The following CLCN1 variants were observed in gnomAD, a reference collection of about 807,000 sequenced individuals.
CLCN1 encodes the protein chloride voltage-gated channel 1, also known as chloride channel protein 1.
CLCN1 carries 100 observed loss-of-function variants against 114.5 expected under a neutral mutation model. The observed-to-expected ratio is 0.87, with a 90% confidence interval of 0.74 to 1.03. The LOEUF (loss-of-function observed/expected upper bound fraction) is 1.03, where lower values mean the gene tolerates loss of function less well. Ranked by LOEUF, CLCN1 falls within the 50% of genes least tolerant of loss-of-function variation. The pLI is 0.00. For synonymous variants in CLCN1, 485 were observed against 487.1 expected (o/e 1.00, Z 0.06); for missense variants, 1,188 against 1,250.0 (o/e 0.95, Z 0.75).
intron 1 of CLCN1, among the ~76,000 whole-genome samples, chr7:143,318,252 C>T (rs780475997): frequency 2.6e-5 from 4 of 151,780 alleles, no homozygotes; most frequent in Middle Eastern, 3.4e-3. Flanking sequence ...GATGGAGTTT[C>T]GCTCTTGTTG....
At chr7:143,338,174 A>C (rs1408144930) in intron 12 of CLCN1, among the ~76,000 whole-genome samples, 1 of 152,102 alleles carries the variant, frequency 6.6e-6, no homozygotes, top group Admixed American at 6.5e-5. Flanking sequence ...CTCAAAATGC[A>C]CATATTGCTT....
At chr7:143,323,436 C>T (rs1207251317) in intron 6 of CLCN1, 50 bp downstream of exon 6, 20 of 1,305,314 alleles carry the variant, frequency 1.5e-5, no homozygotes, top group East Asian at 2.3e-5. Context: ...AGAAGGAGTC[C>T]GGCTGTGTGT....
chr7:143,350,571 C>T lies in CLCN1; in HGVS notation c.2512C>T (p.His838Tyr). Residue 838 changes from histidine to tyrosine, a missense_variant, in exon 22 of 23, where the codon CAT becomes TAT. Physicochemically the swap from His to Tyr is moderately conservative, Grantham distance 83. Coordinates refer to ENST00000343257, the MANE Select transcript of CLCN1 (RefSeq NM_000083.3). This position sits in a 1 kb window ranked among gnomAD's most constrained non-coding sequence, Gnocchi z 5.1. ...LVEQTTLHKT[H>Y]TLFSLLGLHL... is the part of the protein sequence containing the mutation. Reference sequence around the variant, plus strand: ...GACCTGTGCTCTTCATCCTCAGACTCATACCCTGTTTTCACTCCTTGGCCT... The same window carrying T: ...GACCTGTGCTCTTCATCCTCAGACTTATACCCTGTTTTCACTCCTTGGCCT... 6.2e-7 allele frequency: 1 copy of T among 1,614,084 alleles called. No homozygotes were observed. The highest frequency in any genetic ancestry group is 8.5e-7 in the Non-Finnish European group (1 of 1,179,950).
chr7:143,336,613 A>T (rs1271724501), intron 12 of CLCN1, among the ~76,000 whole-genome samples: 1 of 141,392 alleles, frequency 7.1e-6, no homozygotes, highest in East Asian at 2.0e-4. Context: ...TCAAAAAAAA[A>T]AAAAAAAAAA....
Position 143,317,173 on chromosome 7 carries a change from T to C in CLCN1, c.180+781T>C, listed in dbSNP as rs764914434. Among the ~76,000 whole-genome samples the C allele has an allele frequency of 6.0e-4, 91 of 151,676 alleles. 1 individual carries two copies. Among genetic ancestry groups the C allele is most frequent in the South Asian group, 4.2e-4 (2 of 4,818 alleles). On this transcript the variant is annotated intron_variant, in intron 1 of 22. Coordinates refer to ENST00000343257, the MANE Select transcript of CLCN1 (RefSeq NM_000083.3). ...AGATAGGTCATGGTTAATAAGTAAGTGTGCCTCTCCCTCCAAAGAATGCAG... is the reference window on the plus strand; with the variant it reads ...AGATAGGTCATGGTTAATAAGTAAGCGTGCCTCTCCCTCCAAAGAATGCAG...
chr7:143,345,804 A>G (rs748141712), intron 17 of CLCN1, 42 bp downstream of exon 17: 1 of 1,602,200 alleles, frequency 6.2e-7, no homozygotes, highest in Non-Finnish European at 8.5e-7. Context: ...ATAGATCAGG[A>G]GCAAAGGGAA....
At chr7:143,347,741 G>A (rs1338097939) in intron 20 of CLCN1, among the ~76,000 whole-genome samples, 2 of 152,046 alleles carry the variant, frequency 1.3e-5, no homozygotes, top group East Asian at 3.9e-4. Flanking sequence ...CATTGCTACT[G>A]GGAAGAACTG....
At chr7:143,346,295 T>C in intron 18 of CLCN1, 44 bp downstream of exon 18, 1 of 1,326,476 alleles carries the variant, frequency 7.5e-7, no homozygotes, top group South Asian at 1.2e-5. Context: ...CCTTGTGGGT[T>C]CTCTCTGGTC....
At chr7:143,330,436 G>T (rs563066744) in intron 7 of CLCN1, among the ~76,000 whole-genome samples, 1 of 152,134 alleles carries the variant, frequency 6.6e-6, no homozygotes, top group South Asian at 2.1e-4. Flanking sequence ...TTTAGTCCCT[G>T]TGGGTATCTG....
At chr7:143,327,553 T>G (rs1802608424) in intron 7 of CLCN1, among the ~76,000 whole-genome samples, 1 of 152,196 alleles carries the variant, frequency 6.6e-6, no homozygotes, top group African/African-American at 2.4e-5. Context: ...AGAAGACGAT[T>G]GTCATAGTCC....
Position 143,323,336 on chromosome 7 carries a change from T to A in CLCN1, c.724T>A (p.Cys242Ser). The A allele has an allele frequency of 1.2e-6, 2 of 1,613,254 alleles. No homozygotes were observed. Among genetic ancestry groups the A allele is most frequent in the Non-Finnish European group, 1.7e-6 (2 of 1,179,322 alleles). ...EGPFVHIASI[C>S]AAVLSKFMSV... is the part of the protein sequence containing the mutation. ...CCCCTTCGTCCACATTGCCAGCATCTGTGCTGCTGTCCTCAGCAAATTCAT... is the reference window on the plus strand; with the variant it reads ...CCCCTTCGTCCACATTGCCAGCATCAGTGCTGCTGTCCTCAGCAAATTCAT... Residue 242 changes from cysteine to serine, a missense_variant, in exon 6 of 23, where the codon TGT becomes AGT. Coordinates refer to ENST00000343257, the MANE Select transcript of CLCN1 (RefSeq NM_000083.3).
intron 20 of CLCN1, among the ~76,000 whole-genome samples, chr7:143,349,722 G>A (rs1803345560): frequency 6.6e-6 from 1 of 152,230 alleles, no homozygotes; most frequent in South Asian, 2.1e-4. Flanking sequence ...TTCCCTGCAT[G>A]AGAGGTGATG....
intron 20 of CLCN1, among the ~76,000 whole-genome samples, 168 bp downstream of exon 20, chr7:143,347,117 G>A (rs980203051): frequency 6.6e-6 from 1 of 152,202 alleles, no homozygotes; most frequent in Admixed American, 6.5e-5. Flanking sequence ...TAATGAGTGT[G>A]TGATGGGACA....
Position 143,331,607 on chromosome 7 carries a change from TCGGTGTCC to T in CLCN1, c.1122_1129del (p.Gly375LysfsTer11). On this transcript the variant is annotated frameshift_variant, in exon 10 of 23. Transcript: ENST00000343257. LOFTEE classifies it high-confidence loss of function. ...GTGTATCTGCATCGCCAAGTCATGCTCGGTGTCCGAAAGCACAAGGCCCTCAGCCAGTT... is the reference window on the plus strand; with the variant it reads ...GTGTATCTGCATCGCCAAGTCATGCTGAAAGCACAAGGCCCTCAGCCAGTT... 1 of 1,614,160 alleles carries T rather than the reference TCGGTGTCC, an allele frequency of 6.2e-7. No individual in the cohort carries two copies. Among genetic ancestry groups the T allele is most frequent in the Non-Finnish European group, 8.5e-7 (1 of 1,180,006 alleles).
Position 143,350,732 on chromosome 7 carries a change from A to T in CLCN1, c.2595+78A>T, listed in dbSNP as rs1335693105. On this transcript the variant is annotated intron_variant, in intron 22 of 22. Coordinates refer to ENST00000343257, the MANE Select transcript of CLCN1 (RefSeq NM_000083.3). The surrounding 1 kb of genome is among the most constrained non-coding windows in gnomAD (Gnocchi z 5.1). ...AAGGGGATGCAGTGGGGACAGAAGG[A>T]ATATTAGCATCTCAGAAGTCCCCTC... 1.4e-5 allele frequency: 14 copies of T among 1,012,982 alleles called. No individual in the cohort carries two copies. The highest frequency in any genetic ancestry group is 2.0e-5 in the Non-Finnish European group (13 of 641,352). 62.7% of individuals were successfully genotyped at this position (1,012,982 alleles called of 1,614,324 possible).
rs80356702 is a variant in CLCN1 at position 143,330,868 on chromosome 7, G to A, written c.950G>A (p.Arg317Gln). The A allele has an allele frequency of 3.7e-6, 6 of 1,614,030 alleles. No individual in the cohort carries two copies. Among genetic ancestry groups the A allele is most frequent in the African/African-American group, 2.7e-5 (2 of 74,896 alleles). The part of the protein sequence containing the change: ...FAATFSAFVF[R>Q]VLAVWNKDAV... ...GCCACGTTCAGCGCCTTTGTGTTTC[G>A]AGTGCTGGCAGTGTGGAACAAGGAT... The change falls in exon 8 of 23, where the codon CGA (arginine) becomes CAA (glutamine). Residue 317 changes from arginine (R) to glutamine (Q), a missense_variant. By Grantham distance (43) the Arg-to-Gln change is conservative (BLOSUM62 1). Transcript: ENST00000343257.
chr7:143,345,392 A>G (rs1453546437), intron 16 of CLCN1, 129 bp from the exon 17 acceptor site: 8 of 1,210,636 alleles, frequency 6.6e-6, no homozygotes, highest in East Asian at 2.6e-5. Flanking sequence ...ATGAGTTTCC[A>G]GGAAGCTGAG....
intron 17 of CLCN1, 108 bp from the exon 18 acceptor site, chr7:143,346,032 G>T: frequency 1.2e-6 from 1 of 866,618 alleles, no homozygotes; most frequent in African/African-American, 1.7e-5. Context: ...TTCTGAACTG[G>T]GGGGAAGAAT....
At position 143,342,406 on chromosome 7, in the gene CLCN1, C is replaced by T. The variant is rs146469288; in HGVS notation, c.1831C>T (p.Arg611Cys). 21 of 1,613,986 alleles carry T rather than the reference C, an allele frequency of 1.3e-5. 1 individual carries two copies. Among genetic ancestry groups the T allele is most frequent in the African/African-American group, 9.3e-5 (7 of 74,916 alleles). Residue 611 changes from arginine (R) to cysteine (C), a missense_variant, in exon 16 of 23, where the codon CGT becomes TGT. Arg to Cys is a radical substitution (Grantham distance 180). Transcript: ENST00000343257. ...YTIFVEDIMVRDVKFVSASYT... is the reference protein window; with the variant it reads ...YTIFVEDIMVCDVKFVSASYT... ...CATCTTTGTTGAGGACATCATGGTA[C>T]GTGATGTGAAGTTTGTTTCAGCTTC...
Sources: allele counts gnomAD v4.1 joint callset (sites outside exome capture counted in the v4.1 genomes callset), GRCh38; gene constraint gnomAD v4.1.1; non-coding constraint Gnocchi (gnomAD v3.1); transcripts MANE v1.5; gene names NCBI Gene and HGNC (gene_info 2026-07-23, HGNC 2026-07-21).